MOCS1: variants seen among roughly 807,000 people sequenced by gnomAD.
MOCS1 encodes the protein molybdenum cofactor synthesis 1.
A neutral mutation model predicts 57.6 loss-of-function variants in MOCS1; 39 were observed. That is an observed-to-expected ratio of 0.68 (90% CI 0.52 to 0.88). MOCS1 has a LOEUF of 0.88. Among genes scored for constraint, MOCS1 ranks in the 40% least tolerant of loss-of-function variants. The pLI is 0.00. For synonymous variants in MOCS1, 334 were observed against 335.7 expected (o/e 1.00, Z 0.05); for missense variants, 795 against 831.1 (o/e 0.96, Z 0.53).
rs1766985184 is a variant in MOCS1 at position 39,906,840 on chromosome 6, C to T, written c.1428G>A (p.Gln476=). Residue 476 remains glutamine, a synonymous_variant, in exon 11 of 11, where the codon CAG becomes CAA. Transcript: ENST00000340692. ...SWASAAPSGP[Q]LTSEQLTHVD... ...CATGAGTTAGTTGTTCTGAGGTTAG[C>T]TGGGGTCCTGAGGGGGCAGCAGAAG... The T allele has an allele frequency of 6.2e-7, 1 of 1,614,190 alleles. No individual in the cohort carries two copies. Among genetic ancestry groups the T allele is most frequent in the Non-Finnish European group, 8.5e-7 (1 of 1,180,038 alleles).
chr6:39,927,418 G>T lies in MOCS1; in HGVS notation c.161C>A (p.Ala54Glu). The T allele has an allele frequency of 1.2e-6, 2 of 1,612,080 alleles. No individual in the cohort carries two copies. Among genetic ancestry groups the T allele is most frequent in the Non-Finnish European group, 8.5e-7 (1 of 1,179,588 alleles). Reference protein sequence around the residue: ...SRRRQFLREHAAPFSAFLTDS... With the variant: ...SRRRQFLREHEAPFSAFLTDS... ...TGTGAGGAAGGCGGAGAAGGGGGCC[G>T]CATGCTCCCGCAGGAACTGCCTCCG... Residue 54 changes from alanine to glutamate, a missense_variant, in exon 2 of 11, where the codon GCG (alanine) becomes GAG (glutamate). This residue lies in a region of MOCS1 where 416 missense variants were observed against 392.4 expected (regional missense o/e 1.06). Transcript: ENST00000340692.
intron 1 of MOCS1, among the ~76,000 whole-genome samples, chr6:39,933,555 G>C (rs1032221388): frequency 6.6e-6 from 1 of 152,128 alleles, no homozygotes; most frequent in Admixed American, 6.5e-5. Flanking sequence ...TTCACTAAAT[G>C]AAAAGAGGTA....
rs1388209538 is a variant in MOCS1 at position 39,912,359 on chromosome 6, C to T, written c.886G>A (p.Gly296Ser). The change falls in exon 8 of 11, where the codon GGC becomes AGC. Residue 296 changes from glycine to serine, a missense_variant. Transcript: ENST00000340692. ...SSTAKAFKIP[G>S]FQGQISFITS... ...ATGAAGCTGATCTGGCCTTGGAAGCCAGGGATTTTAAAGGCCTGGGCAGGG... is the reference window on the plus strand; with the variant it reads ...ATGAAGCTGATCTGGCCTTGGAAGCTAGGGATTTTAAAGGCCTGGGCAGGG... The T allele has an allele frequency of 6.2e-7, 1 of 1,613,920 alleles. No homozygotes were observed. The highest frequency in any genetic ancestry group is 1.3e-5 in the African/African-American group (1 of 74,918).
rs1399545537 is a variant in MOCS1, at chr6:39,904,529, A to G, written c.*1828T>C. On this transcript the variant is annotated 3_prime_UTR_variant, in exon 11 of 11. Coordinates refer to ENST00000340692, the MANE Select transcript of MOCS1 (RefSeq NM_001358530.2). Reference sequence around the variant, plus strand: ...TTTTGTGGCCAATGTAAAATTCGTCATCAACCTAACAAACACAACCTTCTC... The same window carrying G: ...TTTTGTGGCCAATGTAAAATTCGTCGTCAACCTAACAAACACAACCTTCTC... 16 of 454,152 alleles carry G rather than the reference A, an allele frequency of 3.5e-5. No homozygotes were observed. Among genetic ancestry groups the G allele is most frequent in the Non-Finnish European group, 7.0e-5 (16 of 226,972 alleles). 28.1% of individuals were successfully genotyped at this position (454,152 alleles called of 1,614,324 possible). A position where few individuals can be genotyped will look rare whatever the true frequency, so the allele number is the denominator to read the frequency against.
At chr6:39,923,430 G>A (rs930034781) in intron 3 of MOCS1, among the ~76,000 whole-genome samples, 2 of 152,244 alleles carry the variant, frequency 1.3e-5, no homozygotes, top group Non-Finnish European at 2.9e-5. Context: ...TTTCCCGGGA[G>A]AGCCCCGAGT....
chr6:39,927,778 C>A, intron 1 of MOCS1: 2 of 1,432,240 alleles, frequency 1.4e-6, no homozygotes, highest in Non-Finnish European at 1.8e-6. Flanking sequence ...TTCACTCTAG[C>A]CAGTGCCAAA....
At chr6:39,924,682 A>G (rs886743911) in intron 3 of MOCS1, among the ~76,000 whole-genome samples, 1 of 152,246 alleles carries the variant, frequency 6.6e-6, no homozygotes, top group African/African-American at 2.4e-5. Flanking sequence ...GCATGGCTAT[A>G]TTCCAATAAA....
In MOCS1 at chr6:39,925,697, C is replaced by T. The variant is rs146296750; in HGVS notation, c.399G>A (p.Pro133=). 132 of 1,612,682 alleles carry T rather than the reference C, an allele frequency of 8.2e-5. No individual in the cohort carries two copies. The highest frequency in any genetic ancestry group is 4.4e-4 in the South Asian group (40 of 91,082). ...ACTCACCCACAATGTCCACCACGTC[C>T]GGCCGGATAAGCGGCTCTCCACCTG... is the stretch of plus-strand genomic sequence containing the variant. The part of the protein sequence containing the change: ...RLTGGEPLIR[P]DVVDIVAQLQ... Residue 133 remains proline, a synonymous_variant, in exon 3 of 11, where the codon CCG becomes CCA. Coordinates refer to ENST00000340692, the MANE Select transcript of MOCS1 (RefSeq NM_001358530.2).
At chr6:39,913,709 G>T (rs188571403) in intron 5 of MOCS1, 65 bp downstream of exon 5, 1 of 1,555,094 alleles carries the variant, frequency 6.4e-7, no homozygotes, top group Non-Finnish European at 8.9e-7. Context: ...GCCAAGGGGC[G>T]GTGAGGGGAA....
intron 3 of MOCS1, among the ~76,000 whole-genome samples, chr6:39,917,202 A>G (rs893947713): frequency 1.3e-5 from 2 of 152,184 alleles, no homozygotes; most frequent in African/African-American, 4.8e-5. Flanking sequence ...ATGGTTAGGG[A>G]GGCCTCAGGA....
chr6:39,908,981 C>T, intron 10 of MOCS1, 74 bp downstream of exon 10: 2 of 1,285,658 alleles, frequency 1.6e-6, no homozygotes, highest in Non-Finnish European at 2.3e-6. Flanking sequence ...CTGGGGGTGC[C>T]TATGGCACGG....
intron 5 of MOCS1, 83 bp from the exon 6 acceptor site, chr6:39,913,511 T>G: frequency 1.6e-6 from 2 of 1,218,854 alleles, no homozygotes; most frequent in Admixed American, 3.7e-5. Context: ...TGGCACTCAC[T>G]GAGGCCTTCC....
chr6:39,927,066 A>T (rs1013780923), intron 2 of MOCS1: 1 of 449,062 alleles, frequency 2.2e-6, no homozygotes. Context: ...GAGGTCCAGG[A>T]TCCAATCTTA....
At chr6:39,926,515 G>T (rs980025604) in intron 2 of MOCS1, among the ~76,000 whole-genome samples, 1 of 151,148 alleles carries the variant, frequency 6.6e-6, no homozygotes, top group African/African-American at 2.4e-5. Context: ...TTTGGGTCAA[G>T]ATCTGTTAGA....
At chr6:39,928,013 T>A (rs570126846) in intron 1 of MOCS1, among the ~76,000 whole-genome samples, 1 of 152,082 alleles carries the variant, frequency 6.6e-6, no homozygotes. Flanking sequence ...TCCAAGGAAG[T>A]AGCATTTACC....
rs1562077517 is a variant in MOCS1 at position 39,904,999 on chromosome 6, G to GACAT, written c.*1354_*1357dup. On this transcript the variant is annotated 3_prime_UTR_variant, in exon 11 of 11. Transcript: ENST00000340692. ...TTTTCAGAAATTTTGCAAGCCATTTGACATACTGGTAGCTTGAAATTATTC... is the reference window on the plus strand; with the variant it reads ...TTTTCAGAAATTTTGCAAGCCATTTGACATACATACTGGTAGCTTGAAATTATTC... 2 of 453,132 alleles carry GACAT rather than the reference G, an allele frequency of 4.4e-6. No homozygotes were observed. Among genetic ancestry groups the GACAT allele is most frequent in the Admixed American group, 2.4e-5 (1 of 42,536 alleles). 28.1% of individuals were successfully genotyped at this position (453,132 alleles called of 1,614,324 possible). A position where few individuals can be genotyped will look rare whatever the true frequency, so the allele number is the denominator to read the frequency against.
chr6:39,906,766 T>C lies in MOCS1; in HGVS notation c.1502A>G (p.Asp501Gly). 6.2e-7 allele frequency: 1 copy of C among 1,614,226 alleles called. No homozygotes were observed. Among genetic ancestry groups the C allele is most frequent in the Non-Finnish European group, 8.5e-7 (1 of 1,180,044 alleles). The stretch of plus-strand genomic sequence containing the variant: ...TGAAGCCACAGCCACCCGCTCTGTG[T>C]CTGGCTTCCTGCCCACATCTACCAT... ...AAMVDVGRKP[D>G]TERVAVASAV... is the part of the protein sequence containing the mutation. The change falls in exon 11 of 11, where the codon GAC becomes GGC. Residue 501 changes from aspartate to glycine, a missense_variant. This residue lies in a region of MOCS1 where 374 missense variants were observed against 422.6 expected (regional missense o/e 0.89). Coordinates refer to ENST00000340692, the MANE Select transcript of MOCS1 (RefSeq NM_001358530.2).
intron 3 of MOCS1, among the ~76,000 whole-genome samples, chr6:39,920,990 G>T (rs71571397): frequency 5.3e-5 from 8 of 151,174 alleles, no homozygotes; most frequent in East Asian, 3.9e-4. Context: ...AAAAAAAAGG[G>T]GGGGGGACAG....
rs1562093000 is a variant in MOCS1 at position 39,916,309 on chromosome 6, C to T, written c.419-77G>A. ...CCGGGAAAAGGGCTGGAAGGCAAAA[C>T]TCTTTGTCCAGACAAGATGGATGGA... On this transcript the variant is annotated intron_variant, in intron 3 of 10. Transcript: ENST00000340692. 7 of 1,575,122 alleles carry T rather than the reference C, an allele frequency of 4.4e-6. No individual in the cohort carries two copies. The East Asian group carries it at 1.3e-4, about 30-fold the overall frequency.
Sources: allele counts gnomAD v4.1 joint callset (sites outside exome capture counted in the v4.1 genomes callset), GRCh38; gene constraint gnomAD v4.1.1; regional missense constraint gnomAD v4.1.1; transcripts MANE v1.5; gene names NCBI Gene and HGNC (gene_info 2026-07-23, HGNC 2026-07-21).